UGT1A7: variants seen among roughly 807,000 people sequenced by gnomAD.
UGT1A7 encodes the protein UDP-glucuronosyltransferase 1A7.
In UGT1A7, 33 loss-of-function variants were observed where a neutral mutation model predicts 45.6. The ratio of observed to expected loss-of-function variants is 0.72; its 90% CI spans 0.55 to 0.97. The LOEUF is 0.97. UGT1A7 is among the 50% of genes least tolerant of loss of function. UGT1A7 has a pLI of 0.00. For missense variants in UGT1A7, 684 were observed against 666.2 expected (o/e 1.03, Z -0.29); for synonymous variants, 274 against 250.6 (o/e 1.09, Z -0.88).
At chr2:233,717,827 C>T (rs2125656433) in intron 1 of UGT1A7, 1 of 455,482 alleles carries the variant, frequency 2.2e-6, no homozygotes, top group South Asian at 1.6e-5. Context: ...CCGTTCTGTT[C>T]TGGAGGAACC....
At chr2:233,712,869 C>G in intron 1 of UGT1A7, 1 of 1,581,894 alleles carries the variant, frequency 6.3e-7, no homozygotes, top group Non-Finnish European at 8.6e-7. Context: ...GAGGAGGGCA[C>G]TCTGTCTTCA....
intron 1 of UGT1A7, among the ~76,000 whole-genome samples, chr2:233,688,210 T>C (rs1416459213): frequency 1.3e-5 from 2 of 152,238 alleles, no homozygotes; most frequent in African/African-American, 4.8e-5. Context: ...CACTTAGTTT[T>C]GTGGCTTATC....
chr2:233,685,467 A>G (rs900120949), intron 1 of UGT1A7, among the ~76,000 whole-genome samples: 1 of 152,232 alleles, frequency 6.6e-6, no homozygotes, highest in Non-Finnish European at 1.5e-5. Flanking sequence ...GGGCCAGTGC[A>G]GCTCTGGAGA....
intron 1 of UGT1A7, among the ~76,000 whole-genome samples, chr2:233,688,618 A>C (rs183545370): frequency 6.6e-6 from 1 of 152,206 alleles, no homozygotes; most frequent in Non-Finnish European, 1.5e-5. Context: ...CTCAGCAAAC[A>C]TGAGTTCGTC....
intron 1 of UGT1A7, among the ~76,000 whole-genome samples, chr2:233,722,976 C>T (rs1378643600): frequency 1.4e-5 from 2 of 146,460 alleles, no homozygotes; most frequent in Non-Finnish European, 3.0e-5. Context: ...AGGGATTGGT[C>T]CTGCTGTCTC....
chr2:233,687,758 T>C (rs984466246), intron 1 of UGT1A7, among the ~76,000 whole-genome samples: 1 of 151,916 alleles, frequency 6.6e-6, no homozygotes, highest in Non-Finnish European at 1.5e-5. Flanking sequence ...TTTTAAAAAT[T>C]AGCTGGGCCT....
rs2076727897 is a variant in UGT1A7, at chr2:233,719,116, G to C, written c.855+36324G>C. On this transcript the variant is annotated intron_variant, in intron 1 of 4. Coordinates refer to ENST00000373426, the MANE Select transcript of UGT1A7 (RefSeq NM_019077.3). Reference sequence around the variant, plus strand: ...CGCGTTACGCTGGGCTACACTCAAGGGTTCTTTGAAACAGAACATCTTCTG... The same window carrying C: ...CGCGTTACGCTGGGCTACACTCAAGCGTTCTTTGAAACAGAACATCTTCTG... 4 of 1,614,102 alleles carry C rather than the reference G, an allele frequency of 2.5e-6. No homozygotes were observed. In the African/African-American group the frequency reaches 5.3e-5, roughly 22 times the overall value.
chr2:233,765,533 A>G (rs1474506324), intron 1 of UGT1A7, among the ~76,000 whole-genome samples: 2 of 151,964 alleles, frequency 1.3e-5, no homozygotes, highest in African/African-American at 4.8e-5. Flanking sequence ...GCATGTTCTC[A>G]CTCATAAGTG....
chr2:233,707,105 C>A lies in UGT1A7; in HGVS notation c.855+24313C>A, dbSNP rs183320889. Among the ~76,000 whole-genome samples the A allele has an allele frequency of 2.6e-5, 4 of 152,218 alleles. No homozygotes were observed. The East Asian group carries it at 7.7e-4, about 29-fold the overall frequency. On this transcript the variant is annotated intron_variant, in intron 1 of 4. Transcript: ENST00000373426. ...CACTTTGCATGGCAGCTGAGGGACC[C>A]CCAAAATACTCTGCATTAGGCTTTC...
intron 1 of UGT1A7, chr2:233,689,786 T>C: frequency 2.4e-6 from 1 of 409,846 alleles, no homozygotes; most frequent in Middle Eastern, 7.9e-4. Flanking sequence ...TATGTTATGA[T>C]GTGATCTGTA....
At chr2:233,697,382 C>T (rs576473887) in intron 1 of UGT1A7, among the ~76,000 whole-genome samples, 21 of 152,142 alleles carry the variant, frequency 1.4e-4, no homozygotes, top group African/African-American at 4.1e-4. Context: ...TCACAATAAT[C>T]GCTAATGATC....
At chr2:233,693,369 A>G (rs2075149103) in intron 1 of UGT1A7, 2 of 1,614,190 alleles carry the variant, frequency 1.2e-6, no homozygotes, top group Non-Finnish European at 1.7e-6. Context: ...ATTGGCCTGT[A>G]CTTCATCAAC....
At chr2:233,732,721 G>C (rs2078305544) in intron 1 of UGT1A7, among the ~76,000 whole-genome samples, 1 of 147,538 alleles carries the variant, frequency 6.8e-6, no homozygotes, top group South Asian at 2.1e-4. Context: ...TTGTAGTACA[G>C]TTTGAAGTCA....
intron 1 of UGT1A7, among the ~76,000 whole-genome samples, chr2:233,748,498 T>G (rs1180536491): frequency 2.0e-5 from 3 of 151,812 alleles, no homozygotes; most frequent in Non-Finnish European, 4.4e-5. Flanking sequence ...TGTGATAATT[T>G]TTAGTGGTCC....
chr2:233,713,020 C>G (rs143190267), intron 1 of UGT1A7: 1 of 1,613,734 alleles, frequency 6.2e-7, no homozygotes, highest in South Asian at 1.1e-5. Context: ...GTTCCCCTGC[C>G]GCAGCTGGCC....
chr2:233,705,634 G>A (rs1392542286), intron 1 of UGT1A7, among the ~76,000 whole-genome samples: 1 of 152,192 alleles, frequency 6.6e-6, no homozygotes, highest in Non-Finnish European at 1.5e-5. Context: ...GACAGTTCTA[G>A]GAAGTTGAAG....
chr2:233,743,876 G>A (rs1382161508), intron 1 of UGT1A7: 2 of 1,367,016 alleles, frequency 1.5e-6, no homozygotes. Flanking sequence ...CTCGGATGAG[G>A]CCTGCCGGGG....
chr2:233,712,992 A>G, intron 1 of UGT1A7: 1 of 1,613,364 alleles, frequency 6.2e-7, no homozygotes, highest in Non-Finnish European at 8.5e-7. Context: ...TTCTGCTGAG[A>G]TGGCCACAGG....
At chr2:233,739,631 G>A (rs767111221) in intron 1 of UGT1A7, among the ~76,000 whole-genome samples, 3 of 152,206 alleles carry the variant, frequency 2.0e-5, no homozygotes, top group Admixed American at 6.5e-5. Context: ...ATTTGAAATG[G>A]GAACATTTAC....
Sources: gnomAD v4.1 joint callset for allele counts (sites outside exome capture counted in the v4.1 genomes callset) on GRCh38, gnomAD v4.1.1 for gene constraint, MANE v1.5 for transcripts, NCBI Gene and HGNC (gene_info 2026-07-23, HGNC 2026-07-21) for gene names.